Variants in CHD8 observed in about 807,000 individuals in gnomAD.
CHD8 encodes the protein chromodomain helicase DNA binding protein 8, also known as ATP-dependent chromatin remodeler CHD8.
In CHD8, 31 loss-of-function variants were observed where a neutral mutation model predicts 279.2. The observed-to-expected ratio is 0.11, with a 90% CI of 0.08 to 0.15. The LOEUF is 0.15. Ranked by LOEUF, CHD8 falls within the 10% of genes least tolerant of loss-of-function variation. The probability of loss-of-function intolerance (pLI) is 1.00; values close to 1 mark genes in which losing one functional copy is unlikely to be tolerated. For missense variants in CHD8, 2,146 were observed against 3,230.5 expected (o/e 0.66, Z 8.14); for synonymous variants, 1,081 against 1,139.6 (o/e 0.95, Z 1.04).
At chr14:21,418,004 T>C (rs1055427556) in intron 5 of CHD8, among the ~76,000 whole-genome samples, 3 of 151,450 alleles carry the variant, frequency 2.0e-5, no homozygotes, top group African/African-American at 7.3e-5. Flanking sequence ...TAAAATAACA[T>C]AATCACTTTA....
intron 21 of CHD8, 150 bp downstream of exon 21, chr14:21,401,253 G>C (rs1303780998): frequency 4.1e-6 from 3 of 729,686 alleles, no homozygotes; most frequent in African/African-American, 3.6e-5. Context: ...CTTTTCTGGG[G>C]CCTCCTAGGT....
chr14:21,452,088 T>A (rs1890269626), intron 1 of CHD8, among the ~76,000 whole-genome samples: 1 of 152,174 alleles, frequency 6.6e-6, no homozygotes, highest in Non-Finnish European at 1.5e-5. Flanking sequence ...GTCACCAGGC[T>A]AGAGTGCAGT....
chr14:21,433,129 A>T (rs947506325), intron 1 of CHD8, among the ~76,000 whole-genome samples: 1 of 152,222 alleles, frequency 6.6e-6, no homozygotes, highest in Admixed American at 6.5e-5. Context: ...CACATATAGT[A>T]GCTAATCAAA....
At chr14:21,397,698 AT>A in intron 27 of CHD8, 124 bp downstream of exon 27, 1 of 977,776 alleles carries the variant, frequency 1.0e-6, no homozygotes, top group Non-Finnish European at 1.5e-6. Flanking sequence ...TGCTGGTCCT[AT>A]TTTTGCTAAG....
At chr14:21,401,821 A>C in intron 20 of CHD8, 136 bp downstream of exon 20, 12 of 784,572 alleles carry the variant, frequency 1.5e-5, no homozygotes, top group Middle Eastern at 2.7e-4. Context: ...CCTGACCTCA[A>C]GTGATCTGCC....
chr14:21,455,042 T>C (rs1419435151), intron 1 of CHD8: 1 of 152,198 alleles, frequency 6.6e-6, no homozygotes, highest in Admixed American at 6.5e-5. Flanking sequence ...CAGAAAAGCA[T>C]GGAGATGAAA....
chr14:21,442,167 G>A lies in CHD8; in HGVS notation c.-215-10309C>T, dbSNP rs570627505. Reference sequence around the variant, plus strand: ...TTTGAGATCAGCCTGGGTAACAAAGGGAGACTGTTTCTACAATTAGGCCGG... The same window carrying A: ...TTTGAGATCAGCCTGGGTAACAAAGAGAGACTGTTTCTACAATTAGGCCGG... On this transcript the variant is annotated intron_variant, in intron 1 of 37. Transcript: ENST00000646647. Among the ~76,000 whole-genome samples, 78 of 152,224 alleles carry A rather than the reference G, an allele frequency of 5.1e-4. 1 individual carries two copies. In the South Asian group the frequency reaches 7.0e-3, roughly 14 times the overall value.
chr14:21,441,700 A>T (rs188980402), intron 1 of CHD8, among the ~76,000 whole-genome samples: 2 of 152,112 alleles, frequency 1.3e-5, no homozygotes, highest in East Asian at 3.9e-4. Context: ...CATCCTGGCT[A>T]ACACGGTGAA....
At chr14:21,410,978 A>C (rs1888468787) in intron 10 of CHD8, among the ~76,000 whole-genome samples, 1 of 152,224 alleles carries the variant, frequency 6.6e-6, no homozygotes, top group Non-Finnish European at 1.5e-5. Flanking sequence ...AAAATGGATG[A>C]CAAACTTATT....
In CHD8 at chr14:21,403,839, C is replaced by T. The variant is rs1049334349; in HGVS notation, c.3308-176G>A. ...ATCGGCTGGGTACGGTGGCTCATGC[C>T]TGTAATCCCAACACTTTGGGAGGCC... On this transcript the variant is annotated intron_variant, in intron 16 of 37. Coordinates refer to ENST00000646647, the MANE Select transcript of CHD8 (RefSeq NM_001170629.2). This position sits in a 1 kb window ranked among gnomAD's most constrained non-coding sequence, Gnocchi z 4.3. Among the ~76,000 whole-genome samples the T allele has an allele frequency of 6.6e-6, 1 of 152,176 alleles. No individual in the cohort carries two copies. The highest frequency in any genetic ancestry group is 2.4e-5 in the African/African-American group (1 of 41,418).
intron 1 of CHD8, among the ~76,000 whole-genome samples, chr14:21,455,408 G>T (rs931355345): frequency 1.3e-5 from 2 of 152,100 alleles, no homozygotes; most frequent in African/African-American, 4.8e-5. Context: ...TAATGCAACG[G>T]AAAACCAGTG....
chr14:21,445,081 C>T lies in CHD8; in HGVS notation c.-216+10951G>A, dbSNP rs186133247. Among the ~76,000 whole-genome samples, 70 of 152,316 alleles carry T rather than the reference C, an allele frequency of 4.6e-4. No homozygotes were observed. In the East Asian group the frequency reaches 0.011, roughly 23 times the overall value. On this transcript the variant is annotated intron_variant, in intron 1 of 37. Transcript: ENST00000646647. ...CAGACCAGAAACCTACCTTACTACC[C>T]GTACCCAGTATTTTAAATTCCCATC...
chr14:21,445,776 T>C (rs887914757), intron 1 of CHD8, among the ~76,000 whole-genome samples: 3 of 125,278 alleles, frequency 2.4e-5, no homozygotes, highest in Admixed American at 1.7e-4. Context: ...CCAATGCGGG[T>C]GGATCACGAG....
At chr14:21,433,799 G>C (rs1889661046) in intron 1 of CHD8, among the ~76,000 whole-genome samples, 1 of 151,990 alleles carries the variant, frequency 6.6e-6, no homozygotes, top group Non-Finnish European at 1.5e-5. Context: ...GCTCATTCCA[G>C]CCTCTCATAT....
intron 1 of CHD8, among the ~76,000 whole-genome samples, chr14:21,439,780 G>A (rs193100636): frequency 1.3e-5 from 2 of 152,194 alleles, no homozygotes; most frequent in African/African-American, 4.8e-5. Context: ...TCTACCATTT[G>A]TCTACATATA....
At chr14:21,409,476 A>G (rs1888387438) in intron 11 of CHD8, among the ~76,000 whole-genome samples, 2 of 152,222 alleles carry the variant, frequency 1.3e-5, no homozygotes, top group African/African-American at 4.8e-5. Flanking sequence ...TTAGAAGACA[A>G]TCAGGGAAAT....
In CHD8 at chr14:21,430,998, A is replaced by C; in HGVS notation, c.646T>G (p.Ser216Ala). 6.3e-7 allele frequency: 1 copy of C among 1,599,562 alleles called. No homozygotes were observed. Among genetic ancestry groups the C allele is most frequent in the South Asian group, 1.1e-5 (1 of 91,072 alleles). The change falls in exon 2 of 38, where the codon TCC becomes GCC. Residue 216 changes from serine to alanine, a missense_variant. By Grantham distance (99) the Ser-to-Ala change is moderately conservative. This residue lies in a region of CHD8 where 302 missense variants were observed against 325.5 expected (regional missense o/e 0.93). Coordinates refer to ENST00000646647, the MANE Select transcript of CHD8 (RefSeq NM_001170629.2). ...LTGTPLRPGV[S>A]IVSGNTVLAA... ...AACACTGTATTACCAGAGACAATGG[A>C]AACACCTGGTCGAAGGGGTGTGCCG...
chr14:21,401,013 A>T lies in CHD8; in HGVS notation c.4232T>A (p.Leu1411Gln). 6.2e-7 allele frequency: 1 copy of T among 1,613,920 alleles called. No homozygotes were observed. Among genetic ancestry groups the T allele is most frequent in the Non-Finnish European group, 8.5e-7 (1 of 1,179,864 alleles). Residue 1411 changes from leucine (L) to glutamine (Q), a missense_variant, in exon 22 of 38, where the codon CTG becomes CAG. Around this residue, in one of 26 missense-constraint regions of CHD8, gnomAD observed 74 missense variants for 91.5 expected, o/e 0.81. Coordinates refer to ENST00000646647, the MANE Select transcript of CHD8 (RefSeq NM_001170629.2). The stretch of plus-strand genomic sequence containing the variant: ...GAATTCCACCAGGTCATCATCTTTC[A>T]GAGTGCTAAAGTGGCGCGTTTGTTT... Reference protein sequence around the residue: ...VRKQTRHFSTLKDDDLVEFSD... With the variant: ...VRKQTRHFSTQKDDDLVEFSD...
intron 10 of CHD8, among the ~76,000 whole-genome samples, chr14:21,411,124 C>A (rs1294330657): frequency 6.6e-6 from 1 of 152,076 alleles, no homozygotes; most frequent in Admixed American, 6.6e-5. Context: ...TAACTAAAGG[C>A]CAATTGCTTT....
Sources: allele counts gnomAD v4.1 joint callset (sites outside exome capture counted in the v4.1 genomes callset), GRCh38; gene constraint gnomAD v4.1.1; regional missense constraint gnomAD v4.1.1; non-coding constraint Gnocchi (gnomAD v3.1); transcripts MANE v1.5; gene names NCBI Gene and HGNC (gene_info 2026-07-23, HGNC 2026-07-21).